The following LRRC4C variants were observed in gnomAD, a reference collection of about 807,000 sequenced individuals.
LRRC4C encodes the protein leucine-rich repeat-containing protein 4C.
Under a neutral mutation model 33.6 loss-of-function variants are expected in LRRC4C, and 5 were observed. That is an observed-to-expected ratio of 0.15 (90% CI 0.08 to 0.31). The LOEUF is 0.31. Among genes scored for constraint, LRRC4C ranks in the 10% least tolerant of loss-of-function variants. The pLI is 1.00. For missense variants in LRRC4C, 560 were observed against 796.7 expected, an observed-to-expected ratio of 0.70 and a Z score of 3.58; for synonymous variants, 329 against 302.0, an observed-to-expected ratio of 1.09 and a Z score of -0.93.
chr11:40,554,134 G>T (rs1192514304), intron 3 of LRRC4C, among the ~76,000 whole-genome samples: 1 of 152,102 alleles, frequency 6.6e-6, no homozygotes, highest in Non-Finnish European at 1.5e-5. Flanking sequence ...AGAAGTATGG[G>T]TCCAATTTCA....
rs530657184 is a variant in LRRC4C at position 40,948,770 on chromosome 11, T to C, written c.-495-15047A>G. Among the ~76,000 whole-genome samples, 722 of 149,852 alleles carry C rather than the reference T, an allele frequency of 4.8e-3. 4 individuals are homozygous for C. The highest frequency in any genetic ancestry group is 7.3e-3 in the Non-Finnish European group (491 of 66,846). ...ATTTTCTTAATCCAGTCTATCATTG[T>C]TGGACATTTGGGTTGGTTCCAAGTC... On this transcript the variant is annotated intron_variant, in intron 1 of 6. Coordinates refer to ENST00000528697, the MANE Select transcript of LRRC4C (RefSeq NM_001258419.2).
intron 5 of LRRC4C, among the ~76,000 whole-genome samples, chr11:40,195,760 T>C (rs1417067811): frequency 1.3e-5 from 2 of 152,114 alleles, no homozygotes; most frequent in African/African-American, 4.8e-5. Flanking sequence ...AAAAAAAGAT[T>C]TCCTTGACTT....
rs183489619 is a variant in LRRC4C, at chr11:40,911,845, C to A, written c.-407+21790G>T. On this transcript the variant is annotated intron_variant, in intron 2 of 6. Transcript: ENST00000528697. ...ACTAGAATAACCAATGCAGAGAAGT[C>A]CTTCAAGGACCTGATGGAGCTGAAA... Among the ~76,000 whole-genome samples the A allele has an allele frequency of 4.6e-5, 7 of 152,288 alleles. No individual in the cohort carries two copies. In the East Asian group the frequency reaches 1.2e-3, roughly 25 times the overall value.
At chr11:40,781,838 A>G (rs1164288285) in intron 2 of LRRC4C, among the ~76,000 whole-genome samples, 1 of 152,198 alleles carries the variant, frequency 6.6e-6, no homozygotes, top group East Asian at 1.9e-4. Flanking sequence ...AATGCAGAGT[A>G]AATAAAGTCA....
chr11:41,411,544 A>T (rs1184808311), intron 1 of LRRC4C, among the ~76,000 whole-genome samples: 1 of 152,132 alleles, frequency 6.6e-6, no homozygotes, highest in Non-Finnish European at 1.5e-5. Flanking sequence ...AAAAGAGAAA[A>T]ATTGTACTTC....
intron 1 of LRRC4C, among the ~76,000 whole-genome samples, chr11:41,134,325 A>G (rs1943158382): frequency 6.6e-6 from 1 of 152,116 alleles, no homozygotes; most frequent in Non-Finnish European, 1.5e-5. Context: ...GCTGGTCTCA[A>G]ACTGCTAGCC....
At chr11:40,264,451 T>C (rs1022582948) in intron 4 of LRRC4C, among the ~76,000 whole-genome samples, 10 of 152,192 alleles carry the variant, frequency 6.6e-5, no homozygotes, top group African/African-American at 2.4e-4. Flanking sequence ...TGACTCACTC[T>C]AGTCACCCCA....
At chr11:40,496,074 G>C (rs978414067) in intron 3 of LRRC4C, among the ~76,000 whole-genome samples, 2 of 151,830 alleles carry the variant, frequency 1.3e-5, no homozygotes, top group Non-Finnish European at 2.9e-5. Flanking sequence ...CGGGTGATCT[G>C]CTCACCTTGG....
At chr11:40,220,017 C>T (rs1180402125) in intron 5 of LRRC4C, among the ~76,000 whole-genome samples, 1 of 152,174 alleles carries the variant, frequency 6.6e-6, no homozygotes, top group Non-Finnish European at 1.5e-5. Context: ...GTTAAATATA[C>T]ACAGTGAAGT....
chr11:40,517,966 A>G (rs1163996350), intron 3 of LRRC4C, among the ~76,000 whole-genome samples: 3 of 152,142 alleles, frequency 2.0e-5, no homozygotes, highest in Non-Finnish European at 4.4e-5. Context: ...ACACATCTAC[A>G]ATCATCTGAT....
chr11:40,383,060 T>A (rs1948956384), intron 3 of LRRC4C, among the ~76,000 whole-genome samples: 1 of 152,146 alleles, frequency 6.6e-6, no homozygotes, highest in Admixed American at 6.5e-5. Flanking sequence ...GTACCGTTCT[T>A]TTCTCTGCTT....
chr11:41,429,694 TAAGCAGGGCCGAC>T (rs1955168440), intron 1 of LRRC4C, among the ~76,000 whole-genome samples: 4 of 152,026 alleles, frequency 2.6e-5, no homozygotes, highest in African/African-American at 9.7e-5. Context: ...CTGCAGTGAA[TAAGCAGGGCCGAC>T]TATGAAAGAC....
intron 4 of LRRC4C, among the ~76,000 whole-genome samples, chr11:40,271,196 C>T (rs1029502908): frequency 3.9e-5 from 6 of 152,140 alleles, no homozygotes; most frequent in African/African-American, 7.2e-5. Context: ...AAAACCAGTT[C>T]CCAATACCCC....
chr11:40,545,650 C>A (rs888909790), intron 3 of LRRC4C, among the ~76,000 whole-genome samples: 2 of 151,992 alleles, frequency 1.3e-5, no homozygotes, highest in Admixed American at 1.3e-4. Context: ...TAAGTATAAA[C>A]AAGGATATAC....
intron 5 of LRRC4C, among the ~76,000 whole-genome samples, chr11:40,155,747 C>T (rs182963380): frequency 1.1e-4 from 16 of 152,090 alleles, no homozygotes; most frequent in South Asian, 4.1e-4. Flanking sequence ...CAAGACCAGA[C>T]GGATTCACAG....
At chr11:40,742,593 G>A (rs950473645) in intron 2 of LRRC4C, among the ~76,000 whole-genome samples, 3 of 151,954 alleles carry the variant, frequency 2.0e-5, no homozygotes, top group African/African-American at 7.2e-5. Flanking sequence ...CTAAGAAAAC[G>A]ATCATTTGCC....
chr11:40,210,987 G>T (rs1017839142), intron 5 of LRRC4C, among the ~76,000 whole-genome samples: 7 of 152,032 alleles, frequency 4.6e-5, no homozygotes, highest in African/African-American at 7.3e-5. Flanking sequence ...ATGTTGGCCA[G>T]GTTGGTTTCA....
intron 3 of LRRC4C, among the ~76,000 whole-genome samples, chr11:40,382,593 G>A (rs542384673): frequency 3.9e-4 from 59 of 150,974 alleles, no homozygotes; most frequent in Non-Finnish European, 4.3e-4. Flanking sequence ...TTTAAAGTAC[G>A]CAAGTATTAA....
intron 2 of LRRC4C, among the ~76,000 whole-genome samples, chr11:40,705,616 T>C (rs1946126048): frequency 6.6e-6 from 1 of 151,684 alleles, no homozygotes; most frequent in Non-Finnish European, 1.5e-5. Context: ...TTGATGGACA[T>C]ATGGGTTGGT....
Sources: allele counts gnomAD v4.1 joint callset (sites outside exome capture counted in the v4.1 genomes callset), GRCh38; gene constraint gnomAD v4.1.1; transcripts MANE v1.5; gene names NCBI Gene and HGNC (gene_info 2026-07-23, HGNC 2026-07-21).